CA10: variants seen among roughly 807,000 people sequenced by gnomAD.
CA10 encodes carbonic anhydrase-related protein 10.
In CA10, 14 loss-of-function variants were observed where a neutral mutation model predicts 44.2. The observed-to-expected ratio is 0.32, with a 90% CI of 0.21 to 0.50. The LOEUF (loss-of-function observed/expected upper bound fraction) is 0.50. Among genes scored for constraint, CA10 ranks in the 20% least tolerant of loss-of-function variants. CA10 has a pLI of 0.99. For missense variants in CA10, 350 were observed against 409.7 expected, an observed-to-expected ratio of 0.85 and a Z score of 1.26; for synonymous variants, 159 against 141.6, an observed-to-expected ratio of 1.12 and a Z score of -0.87.
intron 4 of CA10, among the ~76,000 whole-genome samples, 175 bp from the exon 5 acceptor site, chr17:51,653,911 T>C (rs185769435): frequency 6.6e-6 from 1 of 152,364 alleles, no homozygotes; most frequent in African/African-American, 2.4e-5. Context: ...GTAAAATGCA[T>C]GTACACGCAC....
At chr17:51,640,270 A>G (rs1913025824) in intron 6 of CA10, among the ~76,000 whole-genome samples, 1 of 152,178 alleles carries the variant, frequency 6.6e-6, no homozygotes. Context: ...GTTGGGCAAA[A>G]GCAAGGGAGG....
intron 2 of CA10, among the ~76,000 whole-genome samples, chr17:52,026,594 G>A (rs1410361136): frequency 6.6e-6 from 1 of 152,090 alleles, no homozygotes; most frequent in Admixed American, 6.6e-5. Context: ...GGCTGGGGAG[G>A]CCTCAGAAAA....
chr17:52,141,975 G>A (rs568254672), intron 1 of CA10, among the ~76,000 whole-genome samples: 29 of 152,168 alleles, frequency 1.9e-4, no homozygotes, highest in Non-Finnish European at 3.4e-4. Flanking sequence ...AAGAAGAGCC[G>A]ATGGGGCATT....
chr17:51,802,730 T>A (rs1008675626), intron 3 of CA10, among the ~76,000 whole-genome samples: 1 of 152,090 alleles, frequency 6.6e-6, no homozygotes, highest in Non-Finnish European at 1.5e-5. Context: ...CTCCACTTCA[T>A]GTGCAGATGA....
intron 2 of CA10, among the ~76,000 whole-genome samples, chr17:52,055,127 C>A (rs1186659774): frequency 6.6e-6 from 1 of 152,024 alleles, no homozygotes; most frequent in African/African-American, 2.4e-5. Flanking sequence ...AAGGCCTGGT[C>A]TGGTAGGGAA....
chr17:51,713,618 A>G (rs1372136201), intron 4 of CA10, among the ~76,000 whole-genome samples: 1 of 152,202 alleles, frequency 6.6e-6, no homozygotes, highest in Non-Finnish European at 1.5e-5. Flanking sequence ...GGGTACAGGC[A>G]TCTGTTGTTA....
At chr17:51,697,053 G>C (rs552576705) in intron 4 of CA10, among the ~76,000 whole-genome samples, 1 of 151,472 alleles carries the variant, frequency 6.6e-6, no homozygotes, top group East Asian at 1.9e-4. Context: ...TATCTCCCAG[G>C]GGCCTCTTAA....
chr17:51,753,353 C>T (rs1427759468), intron 3 of CA10, among the ~76,000 whole-genome samples: 1 of 152,190 alleles, frequency 6.6e-6, no homozygotes, highest in Non-Finnish European at 1.5e-5. Flanking sequence ...GATGTCTTTG[C>T]ATAGCAAACA....
At chr17:51,687,242 TTCACAGGGC>T (rs1206541286) in intron 4 of CA10, among the ~76,000 whole-genome samples, 5 of 152,236 alleles carry the variant, frequency 3.3e-5, no homozygotes, top group Non-Finnish European at 7.3e-5. Context: ...TCCTTTGATC[TTCACAGGGC>T]TCACTGGGTC....
At chr17:51,847,466 C>T (rs1331605800) in intron 3 of CA10, among the ~76,000 whole-genome samples, 1 of 152,142 alleles carries the variant, frequency 6.6e-6, no homozygotes, top group Non-Finnish European at 1.5e-5. Context: ...CCCTTGAGTA[C>T]AGTCTCCCCA....
chr17:52,108,505 T>C (rs1306294598), intron 1 of CA10, among the ~76,000 whole-genome samples: 1 of 151,418 alleles, frequency 6.6e-6, no homozygotes, highest in Non-Finnish European at 1.5e-5. Context: ...GAGACCAGCC[T>C]GACCAACATG....
chr17:51,634,095 AG>A (rs1912717823), intron 7 of CA10, among the ~76,000 whole-genome samples: 1 of 152,194 alleles, frequency 6.6e-6, no homozygotes, highest in Non-Finnish European at 1.5e-5. Flanking sequence ...TGAGACTATG[AG>A]GGCCAGGTGG....
chr17:52,120,992 G>A (rs1989003576), intron 1 of CA10, among the ~76,000 whole-genome samples: 1 of 152,164 alleles, frequency 6.6e-6, no homozygotes, highest in South Asian at 2.1e-4. Context: ...ACTTGTTTAT[G>A]GTAGGACTGC....
chr17:51,770,861 C>T (rs1265283060), intron 3 of CA10, among the ~76,000 whole-genome samples: 2 of 151,978 alleles, frequency 1.3e-5, no homozygotes, highest in Admixed American at 6.6e-5. Flanking sequence ...CGCAGTGGCT[C>T]ACGCCTGTAT....
intron 1 of CA10, among the ~76,000 whole-genome samples, chr17:52,128,268 C>A (rs372734491): frequency 1.3e-5 from 2 of 152,190 alleles, no homozygotes; most frequent in Non-Finnish European, 2.9e-5. Context: ...TATCTTTTAG[C>A]CTGTTAGCTT....
intron 6 of CA10, among the ~76,000 whole-genome samples, chr17:51,640,890 A>T (rs12449881): frequency 1.3e-5 from 2 of 151,894 alleles, no homozygotes; most frequent in South Asian, 2.1e-4. Flanking sequence ...ACCAGAAGGG[A>T]GATTCTCCTC....
chr17:51,997,679 A>G (rs1985284582), intron 2 of CA10, among the ~76,000 whole-genome samples: 1 of 152,098 alleles, frequency 6.6e-6, no homozygotes, highest in Non-Finnish European at 1.5e-5. Flanking sequence ...TCTTTCATGA[A>G]ACATGTTGAT....
At chr17:51,957,627 G>A (rs578060513) in intron 2 of CA10, among the ~76,000 whole-genome samples, 38 of 152,104 alleles carry the variant, frequency 2.5e-4, no homozygotes, top group Admixed American at 1.8e-3. Context: ...CCAAGTCCTG[G>A]TTTTCATAGT....
At chr17:51,701,609 G>T (rs908587293) in intron 4 of CA10, among the ~76,000 whole-genome samples, 4 of 152,102 alleles carry the variant, frequency 2.6e-5, no homozygotes, top group Non-Finnish European at 4.4e-5. Flanking sequence ...CTTCCCTCAA[G>T]TTCTTAATCC....
Sources: gnomAD v4.1 joint callset for allele counts (sites outside exome capture counted in the v4.1 genomes callset) on GRCh38, gnomAD v4.1.1 for gene constraint, MANE v1.5 for transcripts, NCBI Gene and HGNC (gene_info 2026-07-23, HGNC 2026-07-21) for gene names.